The following CPZ variants were observed in gnomAD, a reference collection of about 807,000 sequenced individuals.
The protein encoded by CPZ is VEZT/CPZ fusion.
CPZ carries 103 observed loss-of-function variants against 61.8 expected under a neutral mutation model. The ratio of observed to expected loss-of-function variants is 1.67; its 90% CI spans 1.42 to 1.96. CPZ has a LOEUF of 1.96. Among genes scored for constraint, CPZ ranks in the 30% most tolerant of loss-of-function variants. The pLI, the probability that CPZ is intolerant of heterozygous loss-of-function variation, is 0.00. For missense variants in CPZ, 1,461 were observed against 914.9 expected (o/e 1.60, Z -7.70); for synonymous variants, 551 against 373.7 (o/e 1.47, Z -5.47).
chr4:8,617,213 G>A (rs4696869), intron 9 of CPZ, among the ~76,000 whole-genome samples: 59,432 of 152,120 alleles, frequency 0.39, 12,858 homozygotes, highest in Non-Finnish European at 0.49. Context: ...CATGCTTGCT[G>A]AAATCATCGG....
Position 8,601,251 on chromosome 4 carries a change from G to A in CPZ, c.250G>A (p.Val84Ile), listed in dbSNP as rs370601548. The change falls in exon 3 of 11, where the codon GTT (valine) becomes ATT (isoleucine). Residue 84 changes from valine (V) to isoleucine (I), a missense_variant. Coordinates refer to ENST00000360986, the MANE Select transcript of CPZ (RefSeq NM_001014447.3). Reference protein sequence around the residue: ...EASSEYILLSVLHQLLEGQCN... With the variant: ...EASSEYILLSILHQLLEGQCN... ...CAGCTCCGAGTACATCCTGCTGAGC[G>A]TTCTACACCAGCTCCTGGAAGGCCA... The A allele has an allele frequency of 7.3e-5, 118 of 1,613,460 alleles. No homozygotes were observed. The highest frequency in any genetic ancestry group is 9.2e-5 in the Non-Finnish European group (108 of 1,179,954).
intron 7 of CPZ, among the ~76,000 whole-genome samples, chr4:8,610,624 G>A (rs1050880847): frequency 6.6e-6 from 1 of 152,236 alleles, no homozygotes; most frequent in Non-Finnish European, 1.5e-5. Flanking sequence ...GATGTGGCCT[G>A]GGCAGATGGA....
Position 8,619,701 on chromosome 4 carries a change from C to G in CPZ, c.*84C>G. The G allele has an allele frequency of 9.5e-7, 1 of 1,051,586 alleles. No homozygotes were observed. The highest frequency in any genetic ancestry group is 1.9e-5 in the South Asian group (1 of 51,570). 65.1% of individuals were successfully genotyped at this position (1,051,586 alleles called of 1,614,324 possible). On this transcript the variant is annotated 3_prime_UTR_variant, in exon 11 of 11. Coordinates refer to ENST00000360986, the MANE Select transcript of CPZ (RefSeq NM_001014447.3). ...TCCTGGCTCTTGATTTTGTCTGCCA[C>G]AGACATCCCACAAAGCCGCTGCCAT...
In CPZ at chr4:8,614,450, CAT is replaced by C; in HGVS notation, c.1457_1458del (p.Ile486ThrfsTer27). The C allele has an allele frequency of 2.5e-6, 4 of 1,614,070 alleles. No homozygotes were observed. The highest frequency in any genetic ancestry group is 2.2e-5 in the South Asian group (2 of 91,078). ...AGTTCCCCCCCGAGGAGGCCCTGTA[CAT>C]ACTCTGGCAGCACAACAAGGAGTCA... ...VKFPPEEALY[I>X]LWQHNKESLL... On this transcript the variant is annotated frameshift_variant, in exon 9 of 11. Coordinates refer to ENST00000360986, the MANE Select transcript of CPZ (RefSeq NM_001014447.3). LOFTEE classifies it high-confidence loss of function.
chr4:8,609,742 G>T (rs1487775414), intron 7 of CPZ, among the ~76,000 whole-genome samples: 1 of 152,236 alleles, frequency 6.6e-6, no homozygotes, highest in East Asian at 1.9e-4. Flanking sequence ...ACCCCAGTGA[G>T]TCCCATCAGA....
At chr4:8,609,126 A>AC (rs1715347974) in intron 7 of CPZ, among the ~76,000 whole-genome samples, 6 of 10,698 alleles carry the variant, frequency 5.6e-4, no homozygotes, top group South Asian at 6.2e-3. Context: ...TCCCTCACTC[A>AC]TTCACTCATT....
intron 2 of CPZ, 84 bp from the exon 3 acceptor site, chr4:8,601,039 C>T (rs1344165097): frequency 1.4e-5 from 20 of 1,474,016 alleles, no homozygotes; most frequent in East Asian, 2.4e-5. Context: ...CCTGGCCCTG[C>T]GTGGGGTCCC....
Position 8,601,180 on chromosome 4 carries a change from C to A in CPZ, c.179C>A (p.Thr60Asn). 1 of 1,608,746 alleles carries A rather than the reference C, an allele frequency of 6.2e-7. No homozygotes were observed. The highest frequency in any genetic ancestry group is 1.1e-5 in the South Asian group (1 of 90,772). ...TCSDAAYNHT[T>N]FPNLLQHRSW... ...AGCGATGCCGCCTACAACCACACCACCTTCCCCAACCTGCTTCAGCACCGG... is the reference window on the plus strand; with the variant it reads ...AGCGATGCCGCCTACAACCACACCAACTTCCCCAACCTGCTTCAGCACCGG... The change falls in exon 3 of 11, where the codon ACC becomes AAC. Residue 60 changes from threonine (T) to asparagine (N), a missense_variant. Transcript: ENST00000360986.
rs548623673 is a variant in CPZ at position 8,607,272 on chromosome 4, C to A, written c.1074C>A (p.Ala358=). 6.2e-7 allele frequency: 1 copy of A among 1,613,978 alleles called. No individual in the cohort carries two copies. Among genetic ancestry groups the A allele is most frequent in the East Asian group, 2.2e-5 (1 of 44,868 alleles). The change falls in exon 7 of 11, where the codon GCC becomes GCA. Residue 358 remains alanine (A), a synonymous_variant. Coordinates refer to ENST00000360986, the MANE Select transcript of CPZ (RefSeq NM_001014447.3). ...IPQHYWWGKV[A]PETKAIMKWM... ...GCCTCGTCTGTCCTGGGCAGGTGGC[C>A]CCGGAGACAAAGGCAATCATGAAGT... is the stretch of plus-strand genomic sequence containing the variant.
At position 8,606,161 on chromosome 4, in the gene CPZ, C is replaced by A; in HGVS notation, c.882C>A (p.Asp294Glu). Reference protein sequence around the residue: ...RIHLLPSMNPDGYEVAAAEGA... With the variant: ...RIHLLPSMNPEGYEVAAAEGA... ...ACCTGCTGCCCTCCATGAACCCTGA[C>A]GGCTATGAGGTGGCAGCTGCCGAGG... is the stretch of plus-strand genomic sequence containing the variant. Residue 294 changes from aspartate to glutamate, a missense_variant, in exon 5 of 11, where the codon GAC (aspartate) becomes GAA (glutamate). Coordinates refer to ENST00000360986, the MANE Select transcript of CPZ (RefSeq NM_001014447.3). 1 of 1,614,054 alleles carries A rather than the reference C, an allele frequency of 6.2e-7. No individual in the cohort carries two copies. The highest frequency in any genetic ancestry group is 1.7e-5 in the Admixed American group (1 of 60,028).
chr4:8,596,560 C>A (rs906778137), intron 1 of CPZ, among the ~76,000 whole-genome samples: 2 of 152,256 alleles, frequency 1.3e-5, no homozygotes, highest in Non-Finnish European at 2.9e-5. Flanking sequence ...CCACGATATG[C>A]CCCAAGACTC....
chr4:8,617,443 T>C (rs1252801932), intron 9 of CPZ, among the ~76,000 whole-genome samples: 1 of 152,238 alleles, frequency 6.6e-6, no homozygotes, highest in Non-Finnish European at 1.5e-5. Flanking sequence ...GGGCCCAGGC[T>C]CTTTGCTTCT....
chr4:8,604,016 G>A lies in CPZ; in HGVS notation c.537G>A (p.Pro179=), dbSNP rs144977910. The part of the protein sequence containing the change: ...EADEALPSGL[P]PTFIRFSHHS... ...ACGAGGCACTGCCCTCAGGGCTGCC[G>A]CCCACCTTCATCCGCTTCAGCCACC... The change falls in exon 4 of 11, where the codon CCG becomes CCA. Residue 179 remains proline (P), a synonymous_variant. Coordinates refer to ENST00000360986, the MANE Select transcript of CPZ (RefSeq NM_001014447.3). The A allele has an allele frequency of 7.6e-5, 123 of 1,612,018 alleles. No homozygotes were observed. The African/African-American group carries it at 1.3e-3, about 17-fold the overall frequency.
rs371002339 is a variant in CPZ, at chr4:8,601,335, G to A, written c.334G>A (p.Gly112Ser). 31 of 1,607,362 alleles carry A rather than the reference G, an allele frequency of 1.9e-5. No individual in the cohort carries two copies. Among genetic ancestry groups the A allele is most frequent in the Non-Finnish European group, 2.4e-5 (28 of 1,175,618 alleles). Residue 112 changes from glycine (G) to serine (S), a missense_variant, in exon 3 of 11, where the codon GGC (glycine) becomes AGC (serine). Physicochemically the swap from Gly to Ser is moderately conservative, Grantham distance 56 (BLOSUM62 0). Transcript: ENST00000360986. ...CAVLAPRCEG[G>S]WVRRPCRHIC... ...TGTGCTGGCCCCCCGGTGTGAGGGC[G>A]GCTGGGTGCGCAGACCCTGCCGGCA...
chr4:8,607,158 C>T (rs762529615), intron 6 of CPZ, 109 bp from the exon 7 acceptor site: 21 of 1,336,712 alleles, frequency 1.6e-5, no homozygotes, highest in Admixed American at 2.2e-5. Flanking sequence ...ATGTAGAGAC[C>T]GTTAATAGTC....
intron 3 of CPZ, chr4:8,602,548 A>G (rs997779412): frequency 1.3e-5 from 2 of 152,298 alleles, no homozygotes; most frequent in Admixed American, 6.5e-5. Flanking sequence ...GGTGCCACAC[A>G]TGTGCTAGCT....
At chr4:8,609,225 C>CCCTCACTT (rs1285722591) in intron 7 of CPZ, among the ~76,000 whole-genome samples, 1 of 52,710 alleles carries the variant, frequency 1.9e-5, no homozygotes, top group Admixed American at 2.7e-4. Flanking sequence ...TTCACTTACT[C>CCCTCACTT]ACTCATTGTC....
chr4:8,595,252 C>T (rs541642840), intron 1 of CPZ, among the ~76,000 whole-genome samples: 1 of 152,346 alleles, frequency 6.6e-6, no homozygotes, highest in East Asian at 1.9e-4. Context: ...CCACGTGTGG[C>T]TCGTGGCTGC....
At chr4:8,615,786 C>T (rs1284158376) in intron 9 of CPZ, among the ~76,000 whole-genome samples, 1 of 152,258 alleles carries the variant, frequency 6.6e-6, no homozygotes, top group Non-Finnish European at 1.5e-5. Context: ...CATGAGCCCC[C>T]TCCTTTCTAG....
Sources: allele counts gnomAD v4.1 joint callset (sites outside exome capture counted in the v4.1 genomes callset), GRCh38; gene constraint gnomAD v4.1.1; transcripts MANE v1.5; gene names NCBI Gene and HGNC (gene_info 2026-07-23, HGNC 2026-07-21).